Variants in UGT1A6 observed in about 807,000 individuals in gnomAD.
UGT1A6 encodes the protein UDP-glucuronosyltransferase 1A6.
In UGT1A6, 32 loss-of-function variants were observed where a neutral mutation model predicts 44.4. The observed-to-expected ratio is 0.72, with a 90% CI of 0.54 to 0.97. UGT1A6 has a LOEUF of 0.97. UGT1A6 is among the 50% of genes least tolerant of loss of function. The pLI, the probability that UGT1A6 is intolerant of heterozygous loss-of-function variation, is 0.00. For synonymous variants in UGT1A6, 238 were observed against 248.5 expected, an observed-to-expected ratio of 0.96 and a Z score of 0.40; for missense variants, 685 against 661.9, an observed-to-expected ratio of 1.03 and a Z score of -0.38.
rs115693071 is a variant in UGT1A6 at position 233,730,075 on chromosome 2, T to C, written c.861+36210T>C. ...ATGTATTTATTTAAAATTGCTTCCA[T>C]ATTTACTTATCTTTCCAAATATTTC... On this transcript the variant is annotated intron_variant, in intron 1 of 4. Coordinates refer to ENST00000305139, the MANE Select transcript of UGT1A6 (RefSeq NM_001072.4). 4.0e-4 allele frequency: 646 copies of C among 1,607,268 alleles called. 1 individual carries two copies. In the African/African-American group the frequency reaches 5.1e-3, roughly 13 times the overall value.
Position 233,772,517 on chromosome 2 carries a change from A to C in UGT1A6, c.1557A>C (p.Lys519Asn). Residue 519 changes from lysine to asparagine, a missense_variant, in exon 5 of 5, where the codon AAA (lysine) becomes AAC (asparagine). Coordinates refer to ENST00000305139, the MANE Select transcript of UGT1A6 (RefSeq NM_001072.4). Reference protein sequence around the residue: ...CAYGYRKCLGKKGRVKKAHKS... With the variant: ...CAYGYRKCLGNKGRVKKAHKS... ...ATGGCTACCGGAAATGCTTGGGGAA[A>C]AAAGGGCGAGTTAAGAAAGCCCACA... The C allele has an allele frequency of 6.2e-7, 1 of 1,614,222 alleles. No individual in the cohort carries two copies.
In UGT1A6 at chr2:233,769,189, A is replaced by T. The variant is rs1281206912; in HGVS notation, c.1301+750A>T. Among the ~76,000 whole-genome samples, 1 of 152,188 alleles carries T rather than the reference A, an allele frequency of 6.6e-6. No homozygotes were observed. Among genetic ancestry groups the T allele is most frequent in the East Asian group, 1.9e-4 (1 of 5,202 alleles). On this transcript the variant is annotated intron_variant, in intron 4 of 4. Transcript: ENST00000305139. This position sits in a 1 kb window ranked among gnomAD's most constrained non-coding sequence, Gnocchi z 4.4. The stretch of plus-strand genomic sequence containing the variant: ...TGTCCATGGAGTTTATGAATGAAGG[A>T]GCTATAAGATATCACAGACAAAGTC...
At chr2:233,701,489 C>T (rs4024061) in intron 1 of UGT1A6, among the ~76,000 whole-genome samples, 4,094 of 152,166 alleles carry the variant, frequency 0.027, 90 homozygotes, top group African/African-American at 0.046. Context: ...CTGCACCAAG[C>T]GGACCTAATA....
At position 233,747,735 on chromosome 2, in the gene UGT1A6, A is replaced by G. The variant is rs890289369; in HGVS notation, c.862-19299A>G. 5 of 1,613,242 alleles carry G rather than the reference A, an allele frequency of 3.1e-6. No individual in the cohort carries two copies. The African/African-American group carries it at 4.0e-5, about 13-fold the overall frequency. On this transcript the variant is annotated intron_variant, in intron 1 of 4. Coordinates refer to ENST00000305139, the MANE Select transcript of UGT1A6 (RefSeq NM_001072.4). ...AATTCCTGCTGTGTTTTTTTTGAGGAACATTCCATGTGATTTAGACTTTAA... is the reference window on the plus strand; with the variant it reads ...AATTCCTGCTGTGTTTTTTTTGAGGGACATTCCATGTGATTTAGACTTTAA...
chr2:233,713,060 G>A (rs2076274457), intron 1 of UGT1A6: 1 of 1,614,168 alleles, frequency 6.2e-7, no homozygotes, highest in South Asian at 1.1e-5. Flanking sequence ...TCAGTGTCCA[G>A]CCCTGGGCTG....
chr2:233,723,738 G>C (rs1448534034), intron 1 of UGT1A6, among the ~76,000 whole-genome samples: 1 of 75,272 alleles, frequency 1.3e-5, no homozygotes, highest in Non-Finnish European at 2.3e-5. Flanking sequence ...GACTCTTAAC[G>C]AGCATGCTGC....
intron 1 of UGT1A6, among the ~76,000 whole-genome samples, chr2:233,740,264 G>A (rs540642726): frequency 1.3e-5 from 2 of 151,992 alleles, no homozygotes; most frequent in Admixed American, 6.5e-5. Flanking sequence ...GATTGGTGGT[G>A]ATTGAAGTTA....
chr2:233,750,894 A>C lies in UGT1A6; in HGVS notation c.862-16140A>C, dbSNP rs543579784. 1.2e-3 allele frequency among the ~76,000 whole-genome samples: 186 copies of C among 151,880 alleles called. 5 individuals are homozygous for C. The highest frequency in any genetic ancestry group is 4.3e-3 in the African/African-American group (178 of 41,202). ...TGCATGGATGGAGCCCTTATAGAGAACCTCTGCTAGAGAAGGGTGGTAAAG... is the reference window on the plus strand; with the variant it reads ...TGCATGGATGGAGCCCTTATAGAGACCCTCTGCTAGAGAAGGGTGGTAAAG... On this transcript the variant is annotated intron_variant, in intron 1 of 4. Transcript: ENST00000305139.
Position 233,725,059 on chromosome 2 carries a change from C to G in UGT1A6, c.861+31194C>G, listed in dbSNP as rs1273678780. Among the ~76,000 whole-genome samples the G allele has an allele frequency of 1.3e-3, 185 of 147,066 alleles. 18 individuals carry two copies. In the East Asian group the frequency reaches 0.027, roughly 21 times the overall value. ...AAAACCAGTCAGGCGTGGCGGCGCG[C>G]GCCTGCAATCGCAGGCACTCGGCAG... On this transcript the variant is annotated intron_variant, in intron 1 of 4. Coordinates refer to ENST00000305139, the MANE Select transcript of UGT1A6 (RefSeq NM_001072.4).
intron 1 of UGT1A6, among the ~76,000 whole-genome samples, chr2:233,758,456 A>T (rs1329200911): frequency 2.0e-5 from 3 of 152,254 alleles, no homozygotes; most frequent in Non-Finnish European, 4.4e-5. Flanking sequence ...TGGAAGAATT[A>T]TCACCCTTAA....
At chr2:233,705,789 C>T (rs144194882) in intron 1 of UGT1A6, among the ~76,000 whole-genome samples, 360 of 152,188 alleles carry the variant, frequency 2.4e-3, no homozygotes, top group Non-Finnish European at 4.2e-3. Flanking sequence ...TGCAAAATGC[C>T]CCTTGTTCAA....
chr2:233,717,899 T>A (rs1410240697), intron 1 of UGT1A6: 2 of 454,694 alleles, frequency 4.4e-6, no homozygotes, highest in Non-Finnish European at 8.8e-6. Flanking sequence ...ATCTTCAGGA[T>A]GAAATAAAGG....
At chr2:233,721,171 T>A (rs2076925263) in intron 1 of UGT1A6, among the ~76,000 whole-genome samples, 1 of 152,236 alleles carries the variant, frequency 6.6e-6, no homozygotes, top group South Asian at 2.1e-4. Context: ...ATTTTTGTTT[T>A]TGATCAAACC....
chr2:233,693,117 A>T lies in UGT1A6; in HGVS notation c.113A>T (p.His38Leu). The change falls in exon 1 of 5, where the codon CAC becomes CTC. Residue 38 changes from histidine (H) to leucine (L), a missense_variant. By Grantham distance (99) the His-to-Leu change is moderately conservative. Coordinates refer to ENST00000305139, the MANE Select transcript of UGT1A6 (RefSeq NM_001072.4). ...KLLVVPQDGS[H>L]WLSMKDIVEV... ...CTGGTGGTCCCTCAGGACGGAAGCC[A>T]CTGGCTTAGTATGAAGGATATAGTT... 6.2e-7 allele frequency: 1 copy of T among 1,614,178 alleles called. No individual in the cohort carries two copies. Among genetic ancestry groups the T allele is most frequent in the Non-Finnish European group, 8.5e-7 (1 of 1,180,024 alleles).
chr2:233,752,437 T>C (rs973405993), intron 1 of UGT1A6: 4 of 152,200 alleles, frequency 2.6e-5, no homozygotes, highest in African/African-American at 9.7e-5. Context: ...CGAACCCTTT[T>C]ATAAAAGATG....
Position 233,768,229 on chromosome 2 carries a change from T to C in UGT1A6, c.1091T>C (p.Met364Thr), listed in dbSNP as rs371224646. ...CTATTTTGCATCTCAGGTCACCCGATGACCCGTGCCTTTATCACCCATGCT... is the reference window on the plus strand; with the variant it reads ...CTATTTTGCATCTCAGGTCACCCGACGACCCGTGCCTTTATCACCCATGCT... Reference protein sequence around the residue: ...LPQNDLLGHPMTRAFITHAGS... With the variant: ...LPQNDLLGHPTTRAFITHAGS... Residue 364 changes from methionine to threonine, a missense_variant, in exon 4 of 5, where the codon ATG (methionine) becomes ACG (threonine). Coordinates refer to ENST00000305139, the MANE Select transcript of UGT1A6 (RefSeq NM_001072.4). 3.1e-6 allele frequency: 5 copies of C among 1,614,112 alleles called. No homozygotes were observed. The highest frequency in any genetic ancestry group is 4.2e-6 in the Non-Finnish European group (5 of 1,180,052).
At chr2:233,768,989 C>A (rs947388091) in intron 4 of UGT1A6, among the ~76,000 whole-genome samples, 2 of 152,024 alleles carry the variant, frequency 1.3e-5, no homozygotes, top group African/African-American at 4.8e-5. Context: ...TTATTTCCCC[C>A]ATTAGATTTA....
chr2:233,760,659 G>T (rs757137518), intron 1 of UGT1A6: 3 of 1,614,230 alleles, frequency 1.9e-6, no homozygotes, highest in Non-Finnish European at 1.7e-6. Context: ...CTATGCTTTT[G>T]TCTGGCTGTT....
At chr2:233,750,904 G>C (rs1235200101) in intron 1 of UGT1A6, among the ~76,000 whole-genome samples, 1 of 151,906 alleles carries the variant, frequency 6.6e-6, no homozygotes, top group Non-Finnish European at 1.5e-5. Context: ...ACCTCTGCTA[G>C]AGAAGGGTGG....
Sources: allele counts gnomAD v4.1 joint callset (sites outside exome capture counted in the v4.1 genomes callset), GRCh38; gene constraint gnomAD v4.1.1; non-coding constraint Gnocchi (gnomAD v3.1); transcripts MANE v1.5; gene names NCBI Gene and HGNC (gene_info 2026-07-23, HGNC 2026-07-21).